The following CNKSR3 variants were observed in gnomAD, a reference collection of about 807,000 sequenced individuals.
CNKSR3 encodes CNKSR family member 3.
A neutral mutation model predicts 67.7 loss-of-function variants in CNKSR3; 36 were observed. That is an observed-to-expected ratio of 0.53 (90% confidence interval 0.41 to 0.70). CNKSR3 has a LOEUF of 0.70. Ranked by LOEUF, CNKSR3 falls within the 30% of genes least tolerant of loss-of-function variation. The pLI, the probability that CNKSR3 is intolerant of heterozygous loss-of-function variation, is 0.00. For missense variants in CNKSR3, 630 were observed against 695.2 expected (o/e 0.91, Z 1.05); for synonymous variants, 281 against 271.4 (o/e 1.04, Z -0.35).
At chr6:154,472,949 G>A (rs1290290854) in intron 1 of CNKSR3, among the ~76,000 whole-genome samples, 1 of 152,088 alleles carries the variant, frequency 6.6e-6, no homozygotes, top group East Asian at 1.9e-4. Flanking sequence ...GTGAGGTATC[G>A]AGTCTATCAA....
chr6:154,482,325 T>C (rs1471232589), intron 1 of CNKSR3, among the ~76,000 whole-genome samples: 1 of 152,190 alleles, frequency 6.6e-6, no homozygotes, highest in Non-Finnish European at 1.5e-5. Flanking sequence ...TCTCCCTTGT[T>C]AGACTGACCC....
Position 154,406,671 on chromosome 6 carries a change from C to A in CNKSR3, c.1370-19G>T. On this transcript the variant is annotated intron_variant, in intron 12 of 12. Coordinates refer to ENST00000607772, the MANE Select transcript of CNKSR3 (RefSeq NM_173515.4). ...TCCTCCCCTGTTTCCAGACAAAGTC[C>A]ATTAAGTCACAATCCCAGCCGGGCG... The A allele has an allele frequency of 6.3e-7, 1 of 1,599,780 alleles. No individual in the cohort carries two copies. Among genetic ancestry groups the A allele is most frequent in the Non-Finnish European group, 8.5e-7 (1 of 1,171,584 alleles).
chr6:154,481,657 T>C (rs1353816426), intron 1 of CNKSR3, among the ~76,000 whole-genome samples: 1 of 152,176 alleles, frequency 6.6e-6, no homozygotes, highest in African/African-American at 2.4e-5. Context: ...TTTATGCATG[T>C]CTGTGTTTTG....
At chr6:154,491,821 G>A (rs1168878108) in intron 1 of CNKSR3, among the ~76,000 whole-genome samples, 3 of 152,148 alleles carry the variant, frequency 2.0e-5, no homozygotes, top group Non-Finnish European at 1.5e-5. Context: ...CCCAGTTCAG[G>A]GAGGGCATAA....
chr6:154,411,266 AAAAGCATTCCTTTTGTCAACC>A, intron 10 of CNKSR3, 124 bp from the exon 11 acceptor site: 1 of 696,436 alleles, frequency 1.4e-6, no homozygotes, highest in South Asian at 2.0e-5. Flanking sequence ...CCACTGGAGG[AAAAGCATTCCTTTTGTCAACC>A]CCAGTTGCCG....
At chr6:154,410,297 T>A (rs1366597905) in intron 12 of CNKSR3, 46 bp downstream of exon 12, 1 of 1,373,800 alleles carries the variant, frequency 7.3e-7, no homozygotes, top group East Asian at 2.3e-5. Context: ...CCTGGGGCTG[T>A]TCACTCCCCA....
intron 1 of CNKSR3, among the ~76,000 whole-genome samples, chr6:154,486,633 C>G (rs932585632): frequency 2.0e-5 from 3 of 150,510 alleles, no homozygotes; most frequent in Non-Finnish European, 4.4e-5. Context: ...GCTGGGATTA[C>G]AGGCACACAC....
chr6:154,472,518 G>A (rs187037028), intron 1 of CNKSR3, among the ~76,000 whole-genome samples: 86 of 152,028 alleles, frequency 5.7e-4, no homozygotes, highest in African/African-American at 2.0e-3. Flanking sequence ...TTCGTATCTC[G>A]GGATACCTAT....
At position 154,415,227 on chromosome 6, in the gene CNKSR3, C is replaced by CTTTTTTTTTTTTTTT. The variant is rs773533317; in HGVS notation, c.946-805_946-804insAAAAAAAAAAAAAAA. On this transcript the variant is annotated intron_variant, in intron 9 of 12. Transcript: ENST00000607772. Reference sequence around the variant, plus strand: ...ATCCTGGCTAGACTTACTAGCTGCCCATTTTTTTTTTTTTTTTTTTTAAGA... The same window carrying CTTTTTTTTTTTTTTT: ...ATCCTGGCTAGACTTACTAGCTGCCCTTTTTTTTTTTTTTTATTTTTTTTTTTTTTTTTTTTAAGA... Among the ~76,000 whole-genome samples, 369 of 112,712 alleles carry CTTTTTTTTTTTTTTT rather than the reference C, an allele frequency of 3.3e-3. 35 individuals are homozygous for CTTTTTTTTTTTTTTT. Among genetic ancestry groups the CTTTTTTTTTTTTTTT allele is most frequent in the African/African-American group, 0.012 (312 of 26,784 alleles). The allele number at this position is 112,712 out of a possible 152,430, so 73.9% of individuals were successfully genotyped here. A position where few individuals can be genotyped will look rare whatever the true frequency, so the allele number is the denominator to read the frequency against.
chr6:154,407,074 T>G (rs1784811688), intron 12 of CNKSR3, among the ~76,000 whole-genome samples: 1 of 152,108 alleles, frequency 6.6e-6, no homozygotes, highest in Admixed American at 6.5e-5. Context: ...CTCTCCTCCC[T>G]GGATTGGCCA....
At chr6:154,411,796 A>G (rs975413131) in intron 10 of CNKSR3, among the ~76,000 whole-genome samples, 1 of 152,186 alleles carries the variant, frequency 6.6e-6, no homozygotes, top group African/African-American at 2.4e-5. Context: ...CTAGCGAACC[A>G]CGTTGCTCAT....
intron 9 of CNKSR3, among the ~76,000 whole-genome samples, chr6:154,417,894 C>T (rs542869050): frequency 6.6e-6 from 1 of 152,316 alleles, no homozygotes; most frequent in South Asian, 2.1e-4. Flanking sequence ...GTAAAAGCAG[C>T]TGTCAACTTG....
chr6:154,437,410 C>CTTTTTTTTTT lies in CNKSR3; in HGVS notation c.507+3872_507+3881dup, dbSNP rs10665656. Among the ~76,000 whole-genome samples the CTTTTTTTTTT allele has an allele frequency of 5.0e-4, 51 of 102,120 alleles. 1 individual carries two copies. The highest frequency in any genetic ancestry group is 5.4e-4 in the Non-Finnish European group (29 of 53,686). The allele number at this position is 102,120 out of a possible 152,430, so 67.0% of individuals were successfully genotyped here. ...CACCATTTGGCAAAGCACCTATGTTCTTTTTTTTTTTTTTTTTTTTTGAGA... is the reference window on the plus strand; with the variant it reads ...CACCATTTGGCAAAGCACCTATGTTCTTTTTTTTTTTTTTTTTTTTTTTTTTTTTTTGAGA... On this transcript the variant is annotated intron_variant, in intron 4 of 12. Transcript: ENST00000607772.
At chr6:154,444,841 A>G (rs1199910391) in intron 2 of CNKSR3, among the ~76,000 whole-genome samples, 1 of 151,994 alleles carries the variant, frequency 6.6e-6, no homozygotes, top group Non-Finnish European at 1.5e-5. Context: ...TCCTGACCTC[A>G]TGATCCGCCC....
intron 7 of CNKSR3, among the ~76,000 whole-genome samples, chr6:154,424,418 CATT>C (rs1785213397): frequency 1.3e-5 from 2 of 152,116 alleles, no homozygotes; most frequent in South Asian, 2.1e-4. Context: ...TCTAATCAAA[CATT>C]ATCTAGAATA....
intron 1 of CNKSR3, among the ~76,000 whole-genome samples, chr6:154,473,792 T>C (rs934484834): frequency 2.1e-4 from 32 of 151,944 alleles, no homozygotes; most frequent in Non-Finnish European, 7.4e-5. Context: ...CCACTATTTT[T>C]TTTTTCTTTT....
chr6:154,426,079 C>A lies in CNKSR3; in HGVS notation c.729+2049G>T, dbSNP rs562104991. ...GCACATTCCAGGTCCTCAATAAATG[C>A]GAATTGAATGACTAAAGGAATGAGT... is the stretch of plus-strand genomic sequence containing the variant. On this transcript the variant is annotated intron_variant, in intron 7 of 12. Transcript: ENST00000607772. Among the ~76,000 whole-genome samples, 9 of 152,230 alleles carry A rather than the reference C, an allele frequency of 5.9e-5. No individual in the cohort carries two copies. The East Asian group carries it at 1.5e-3, about 26-fold the overall frequency.
At chr6:154,485,289 C>G (rs1250189299) in intron 1 of CNKSR3, among the ~76,000 whole-genome samples, 1 of 152,134 alleles carries the variant, frequency 6.6e-6, no homozygotes, top group Admixed American at 6.5e-5. Context: ...CAAATATTAA[C>G]TTGGAAACTG....
chr6:154,445,692 T>C (rs1005737580), intron 2 of CNKSR3, among the ~76,000 whole-genome samples: 12 of 152,196 alleles, frequency 7.9e-5, no homozygotes. Flanking sequence ...CATACCACTT[T>C]TAATACTGAA....
Sources: gnomAD v4.1 joint callset for allele counts (sites outside exome capture counted in the v4.1 genomes callset) on GRCh38, gnomAD v4.1.1 for gene constraint, MANE v1.5 for transcripts, NCBI Gene and HGNC (gene_info 2026-07-23, HGNC 2026-07-21) for gene names.